The following WNT4 variants were observed in gnomAD, a reference collection of about 807,000 sequenced individuals.
WNT4 encodes protein Wnt-4.
In WNT4, 16 loss-of-function variants were observed where a neutral mutation model predicts 34.5. The ratio of observed to expected loss-of-function variants is 0.46; its 90% CI spans 0.31 to 0.70. The LOEUF (loss-of-function observed/expected upper bound fraction) is 0.70. Ranked by LOEUF, WNT4 falls within the 30% of genes least tolerant of loss-of-function variation. The probability of loss-of-function intolerance (pLI) is 0.04; values close to 1 mark genes in which losing one functional copy is unlikely to be tolerated. For synonymous variants in WNT4, 200 were observed against 211.9 expected (o/e 0.94, Z 0.49); for missense variants, 379 against 495.9 (o/e 0.76, Z 2.24).
chr1:22,130,915 A>G (rs1294676005), intron 1 of WNT4, among the ~76,000 whole-genome samples: 1 of 152,268 alleles, frequency 6.6e-6, no homozygotes, highest in Admixed American at 6.5e-5. Flanking sequence ...TCAAACTTCT[A>G]TGGAACTTGG....
chr1:22,137,755 G>T lies in WNT4; in HGVS notation c.77+5091C>A, dbSNP rs146508773. On this transcript the variant is annotated intron_variant, in intron 1 of 4. Transcript: ENST00000290167. This position sits in a 1 kb window ranked among gnomAD's most constrained non-coding sequence, Gnocchi z 5.3. Reference sequence around the variant, plus strand: ...GTCCTGGGGTGCTGCAGTGCTGGGGGAGAAACACTCAGCCTGGCTCTCAGG... The same window carrying T: ...GTCCTGGGGTGCTGCAGTGCTGGGGTAGAAACACTCAGCCTGGCTCTCAGG... Among the ~76,000 whole-genome samples, 24 of 152,350 alleles carry T rather than the reference G, an allele frequency of 1.6e-4. No homozygotes were observed. Among genetic ancestry groups the T allele is most frequent in the African/African-American group, 5.8e-4 (24 of 41,584 alleles).
chr1:22,122,113 C>T (rs1306943306), intron 2 of WNT4, among the ~76,000 whole-genome samples: 1 of 152,188 alleles, frequency 6.6e-6, no homozygotes, highest in African/African-American at 2.4e-5. Context: ...AGTTGCCCTT[C>T]CTTATGTATG....
chr1:22,126,913 T>G (rs148667634), intron 2 of WNT4: 59 of 248,844 alleles, frequency 2.4e-4, no homozygotes, highest in African/African-American at 1.2e-3. Flanking sequence ...CAGGTCATCC[T>G]CGGCCTCACC....
chr1:22,134,411 C>G lies in WNT4; in HGVS notation c.78-4560G>C, dbSNP rs917259040. On this transcript the variant is annotated intron_variant, in intron 1 of 4. Coordinates refer to ENST00000290167, the MANE Select transcript of WNT4 (RefSeq NM_030761.5). The surrounding 1 kb of genome is among the most constrained non-coding windows in gnomAD (Gnocchi z 4.1). ...TTCCCAAGATCCTAACCATACCCCC[C>G]ACTCACTTTTACATCTTTGAATGTT... Among the ~76,000 whole-genome samples, 7 of 152,198 alleles carry G rather than the reference C, an allele frequency of 4.6e-5. No homozygotes were observed. The highest frequency in any genetic ancestry group is 7.3e-5 in the Non-Finnish European group (5 of 68,030).
rs1015467107 is a variant in WNT4, at chr1:22,119,974, G to T, written c.*76C>A. 3 of 1,527,362 alleles carry T rather than the reference G, an allele frequency of 2.0e-6. No individual in the cohort carries two copies. The highest frequency in any genetic ancestry group is 1.7e-5 in the Admixed American group (1 of 57,842). 94.6% of individuals were successfully genotyped at this position (1,527,362 alleles called of 1,614,324 possible). ...AATACAACCAGTATCTCTTGGGGTA[G>T]GTGGTGGGAGACTGTTTAAATTATC... On this transcript the variant is annotated 3_prime_UTR_variant, in exon 5 of 5. Transcript: ENST00000290167.
intron 1 of WNT4, among the ~76,000 whole-genome samples, chr1:22,131,457 G>A (rs981678842): frequency 5.3e-5 from 8 of 152,186 alleles, no homozygotes; most frequent in African/African-American, 1.7e-4. Flanking sequence ...CTGGAGAACA[G>A]TCTGCATAAG....
At position 22,119,187 on chromosome 1, in the gene WNT4, C is replaced by CGTGTGTGTGTGTGTGT; in HGVS notation, c.*847_*862dup. The CGTGTGTGTGTGTGTGT allele has an allele frequency of 2.9e-5, 1 of 34,854 alleles. No homozygotes were observed. Among genetic ancestry groups the CGTGTGTGTGTGTGTGT allele is most frequent in the African/African-American group, 1.4e-4 (1 of 6,936 alleles). The allele number at this position is 34,854 out of a possible 1,614,324, so 2.2% of individuals were successfully genotyped here. ...TCTCTCGCAGGTGTGTGTGTGTGTC[C>CGTGTGTGTGTGTGTGT]GTGTGTGTGTGTGTGTGTGTGTGTG... On this transcript the variant is annotated 3_prime_UTR_variant, in exon 5 of 5. Transcript: ENST00000290167.
chr1:22,120,060 G>A lies in WNT4; in HGVS notation c.1046C>T (p.Thr349Met), dbSNP rs747760556. The change falls in exon 5 of 5, where the codon ACG becomes ATG. Residue 349 changes from threonine to methionine, a missense_variant. By Grantham distance (81) the Thr-to-Met change is moderately conservative (BLOSUM62 -1). Around this residue, in one of 2 missense-constraint regions of WNT4, gnomAD observed 313 missense variants for 445.8 expected, o/e 0.70. Transcript: ENST00000290167. ...GGGCTAGGCAGGCGGTCATCGGCAC[G>A]TGTGCAACTCCACGAGCCGCTGGCA... is the stretch of plus-strand genomic sequence containing the variant. Reference protein sequence around the residue: ...RQCQRLVELHTCR With the variant: ...RQCQRLVELHMCR The A allele has an allele frequency of 9.9e-6, 16 of 1,608,042 alleles. No homozygotes were observed. The highest frequency in any genetic ancestry group is 2.2e-5 in the East Asian group (1 of 44,876).
intron 2 of WNT4, among the ~76,000 whole-genome samples, chr1:22,127,971 A>T (rs1645953217): frequency 6.6e-6 from 1 of 152,196 alleles, no homozygotes; most frequent in Admixed American, 6.5e-5. Flanking sequence ...CAATCTGTCC[A>T]ATACACACCT....
At position 22,139,487 on chromosome 1, in the gene WNT4, C is replaced by T. The variant is rs1056948802; in HGVS notation, c.77+3359G>A. 5.3e-5 allele frequency among the ~76,000 whole-genome samples: 8 copies of T among 152,166 alleles called. No individual in the cohort carries two copies. The highest frequency in any genetic ancestry group is 2.1e-4 in the South Asian group (1 of 4,830). ...AAGACCCACTTCTTGGCCATGCCGCCGGCCTGCCTCTGAGTGCAGCGTGGT... is the reference window on the plus strand; with the variant it reads ...AAGACCCACTTCTTGGCCATGCCGCTGGCCTGCCTCTGAGTGCAGCGTGGT... On this transcript the variant is annotated intron_variant, in intron 1 of 4. Transcript: ENST00000290167. This position sits in a 1 kb window ranked among gnomAD's most constrained non-coding sequence, Gnocchi z 4.6.
intron 2 of WNT4, among the ~76,000 whole-genome samples, chr1:22,128,086 G>T (rs972518244): frequency 1.3e-5 from 2 of 152,238 alleles, no homozygotes; most frequent in African/African-American, 2.4e-5. Context: ...TCCACTGCCA[G>T]GCTGCTCACT....
chr1:22,121,150 G>GGC (rs1645894364), intron 4 of WNT4, 61 bp downstream of exon 4: 2 of 1,035,142 alleles, frequency 1.9e-6, no homozygotes, highest in Non-Finnish European at 1.3e-6. Flanking sequence ...GGGTGGGAGA[G>GGC]TCTGGGGCCC....
At chr1:22,136,332 C>T (rs932907347) in intron 1 of WNT4, among the ~76,000 whole-genome samples, 6 of 152,196 alleles carry the variant, frequency 3.9e-5, no homozygotes, top group Non-Finnish European at 7.3e-5. Context: ...ACCTGTGTCC[C>T]CACAACCTTT....
chr1:22,129,560 G>T (rs2124118150), intron 2 of WNT4, 56 bp downstream of exon 2: 2 of 1,563,928 alleles, frequency 1.3e-6, no homozygotes, highest in Non-Finnish European at 8.7e-7. Flanking sequence ...ATTTCCTGCT[G>T]GGCCCATGCC....
chr1:22,135,398 G>C (rs114366578), intron 1 of WNT4, among the ~76,000 whole-genome samples: 2 of 152,218 alleles, frequency 1.3e-5, no homozygotes, highest in East Asian at 3.8e-4. Context: ...ATTTGAAAAC[G>C]GGTCACTCTG....
chr1:22,125,069 G>C (rs957060968), intron 2 of WNT4, among the ~76,000 whole-genome samples: 1 of 152,146 alleles, frequency 6.6e-6, no homozygotes, highest in African/African-American at 2.4e-5. Flanking sequence ...AAAGAGCAAA[G>C]GTTTCAGAGC....
intron 2 of WNT4, among the ~76,000 whole-genome samples, chr1:22,125,711 C>T (rs1011769223): frequency 6.6e-6 from 1 of 152,162 alleles, no homozygotes; most frequent in Non-Finnish European, 1.5e-5. Context: ...GAACGAGACA[C>T]GGTAGAGGCA....
chr1:22,119,980 G>T lies in WNT4; in HGVS notation c.*70C>A. ...ACCAGTATCTCTTGGGGTAGGTGGT[G>T]GGAGACTGTTTAAATTATCGGCCTT... On this transcript the variant is annotated 3_prime_UTR_variant, in exon 5 of 5. Coordinates refer to ENST00000290167, the MANE Select transcript of WNT4 (RefSeq NM_030761.5). The T allele has an allele frequency of 6.4e-7, 1 of 1,550,708 alleles. No individual in the cohort carries two copies.
chr1:22,128,698 G>T (rs541430866), intron 2 of WNT4, among the ~76,000 whole-genome samples: 1 of 152,134 alleles, frequency 6.6e-6, no homozygotes, highest in African/African-American at 2.4e-5. Flanking sequence ...GTTGAGTCCC[G>T]GCTCTACCAC....
Sources: gnomAD v4.1 joint callset for allele counts (sites outside exome capture counted in the v4.1 genomes callset) on GRCh38, gnomAD v4.1.1 for gene constraint, gnomAD v4.1.1 regional missense constraint, Gnocchi (gnomAD v3.1) non-coding constraint, MANE v1.5 for transcripts, NCBI Gene and HGNC (gene_info 2026-07-23, HGNC 2026-07-21) for gene names.